PLEC: variants seen among roughly 807,000 people sequenced by gnomAD.
The protein encoded by PLEC is hemidesmosomal protein 1.
PLEC carries 216 observed loss-of-function variants against 392.8 expected under a neutral mutation model. The observed-to-expected ratio is 0.55, with a 90% CI of 0.49 to 0.62. The LOEUF is 0.62. PLEC is among the 20% of genes least tolerant of loss of function. PLEC has a pLI of 0.00. For missense variants in PLEC, 6,863 were observed against 6,563.4 expected (o/e 1.05, Z -1.58); for synonymous variants, 3,621 against 2,980.6 (o/e 1.21, Z -7.00).
chr8:143,924,858 C>G lies in PLEC; in HGVS notation c.5071G>C (p.Glu1691Gln), dbSNP rs1824367451. Reference protein sequence around the residue: ...EQAVRQRELAEQELEKQRQLA... With the variant: ...EQAVRQRELAQQELEKQRQLA... ...TGCCGCTGCTTCTCCAGCTCTTGTTCAGCCAGCTCCCGCTGCCGGACGGCC... is the reference window on the plus strand; with the variant it reads ...TGCCGCTGCTTCTCCAGCTCTTGTTGAGCCAGCTCCCGCTGCCGGACGGCC... Residue 1691 changes from glutamate (E) to glutamine (Q), a missense_variant, in exon 31 of 32, where the codon GAA becomes CAA. Transcript: ENST00000345136. The G allele has an allele frequency of 1.9e-6, 3 of 1,587,274 alleles. No homozygotes were observed. Among genetic ancestry groups the G allele is most frequent in the South Asian group, 2.2e-5 (2 of 89,488 alleles).
At chr8:143,952,137 C>T (rs1554737095), upstream of PLEC, among the ~76,000 whole-genome samples, 2 of 151,896 alleles carry the variant, frequency 1.3e-5, no homozygotes, top group South Asian at 2.1e-4. Flanking sequence ...CTTGTGGGGG[C>T]GGGTTTATGG....
In PLEC at chr8:143,918,430, C is replaced by T. The variant is rs1410812854; in HGVS notation, c.11391G>A (p.Leu3797=). The T allele has an allele frequency of 6.3e-7, 1 of 1,578,462 alleles. No individual in the cohort carries two copies. Among genetic ancestry groups the T allele is most frequent in the Non-Finnish European group, 8.6e-7 (1 of 1,165,144 alleles). The part of the protein sequence containing the change: ...KKELIPTEEA[L]RLLDAQLATG... ...TGGCCAGCTGGGCATCCAGCAGCCG[C>T]AGGGCCTCCTCAGTAGGGATCAGCT... The change falls in exon 32 of 32, where the codon CTG becomes CTA. Residue 3797 remains leucine, a synonymous_variant. Transcript: ENST00000345136.
rs201916690 is a variant in PLEC at position 143,921,506 on chromosome 8, C to T, written c.8315G>A (p.Arg2772His). ...ELHHKLLSAE[R>H]AVTGYKDPYT... ...GGGGTCCTTGTAGCCAGTGACGGCG[C>T]GCTCGGCCGACAGCAGCTTGTGGTG... Residue 2772 changes from arginine (R) to histidine (H), a missense_variant, in exon 32 of 32, where the codon CGC (arginine) becomes CAC (histidine). Coordinates refer to ENST00000345136, the MANE Select transcript of PLEC (RefSeq NM_201384.3). 6.7e-5 allele frequency: 108 copies of T among 1,612,854 alleles called. No homozygotes were observed. The African/African-American group carries it at 8.9e-4, about 13-fold the overall frequency.
upstream of PLEC, among the ~76,000 whole-genome samples, chr8:143,952,199 C>A (rs1564213436): frequency 8.0e-6 from 1 of 125,578 alleles, no homozygotes; most frequent in Non-Finnish European, 1.7e-5. Context: ...CACACACACA[C>A]ACACACACAC....
rs1822014095 is a variant in PLEC, at chr8:143,920,050, G to A, written c.9771C>T (p.Ile3257=). Residue 3257 remains isoleucine, a synonymous_variant, in exon 32 of 32, where the codon ATC becomes ATT. Coordinates refer to ENST00000345136, the MANE Select transcript of PLEC (RefSeq NM_201384.3). The part of the protein sequence containing the change: ...KGRTVTVWEL[I]SSEYFTAEQR... ...GCTCCGCAGTGAAGTACTCAGAGCT[G>A]ATGAGCTCCCACACCGTCACCGTCC... The A allele has an allele frequency of 6.2e-7, 1 of 1,613,196 alleles. No homozygotes were observed. The highest frequency in any genetic ancestry group is 8.5e-7 in the Non-Finnish European group (1 of 1,180,026).
chr8:143,936,117 G>A (rs1587170118), intron 5 of PLEC, 103 bp from the exon 6 acceptor site: 1 of 1,322,120 alleles, frequency 7.6e-7, no homozygotes, highest in East Asian at 2.4e-5. Flanking sequence ...GCACCCAGGG[G>A]GAGTGCATGG....
chr8:143,959,682 G>C (rs1832775925), intron 1 of PLEC, among the ~76,000 whole-genome samples: 1 of 152,260 alleles, frequency 6.6e-6, no homozygotes, highest in African/African-American at 2.4e-5. Flanking sequence ...TACCTAGCCA[G>C]CAACTTAGAA....
At position 143,924,183 on chromosome 8, in the gene PLEC, T is replaced by C. The variant is rs782429508; in HGVS notation, c.5746A>G (p.Thr1916Ala). 6.3e-7 allele frequency: 1 copy of C among 1,598,856 alleles called. No individual in the cohort carries two copies. Among genetic ancestry groups the C allele is most frequent in the South Asian group, 1.1e-5 (1 of 91,072 alleles). ...LERQKGLVED[T>A]LRQRRQVEEE... ...TCCACCTGCCGCCGCTGCCTCAGCG[T>C]GTCCTCCACCAGCCCCTTCTGCCGC... Residue 1916 changes from threonine (T) to alanine (A), a missense_variant, in exon 31 of 32, where the codon ACG (threonine) becomes GCG (alanine). Thr to Ala is a moderately conservative substitution (Grantham distance 58). Transcript: ENST00000345136.
chr8:143,941,553 G>A (rs950261534), upstream of PLEC, among the ~76,000 whole-genome samples: 1 of 152,008 alleles, frequency 6.6e-6, no homozygotes, highest in African/African-American at 2.4e-5. Flanking sequence ...GGTGGGCTGG[G>A]GGCTCGGTCA....
chr8:143,921,387 T>C lies in PLEC; in HGVS notation c.8434A>G (p.Thr2812Ala), dbSNP rs782242650. Residue 2812 changes from threonine to alanine, a missense_variant, in exon 32 of 32, where the codon ACG (threonine) becomes GCG (alanine). Thr to Ala is a moderately conservative substitution (Grantham distance 58). Transcript: ENST00000345136. ...GIRLLEAQIA[T>A]GGVIDPVHSH... is the part of the protein sequence containing the mutation. ...TGCACGGGGTCGATAACGCCGCCCG[T>C]GGCGATCTGGGCCTCCAGCAGGCGG... 1.1e-4 allele frequency: 184 copies of C among 1,613,212 alleles called. No homozygotes were observed. The highest frequency in any genetic ancestry group is 1.5e-4 in the Non-Finnish European group (181 of 1,179,802).
rs35671527 is a variant in PLEC, at chr8:143,931,520, A to AC, written c.2304+13dup. ...AGCCCCTCCTGACACGCCCCTGCACACCCCCTCCCTCACCTGGGCATCCTG... is the reference window on the plus strand; with the variant it reads ...AGCCCCTCCTGACACGCCCCTGCACACCCCCCTCCCTCACCTGGGCATCCTG... On this transcript the variant is annotated intron_variant, in intron 19 of 31. Transcript: ENST00000345136. 0.37 allele frequency: 589,044 copies of AC among 1,575,218 alleles called. 113,118 individuals are homozygous for AC. Among genetic ancestry groups the AC allele is most frequent in the Non-Finnish European group, 0.4 (458,609 of 1,160,806 alleles).
chr8:143,943,939 G>C, upstream of PLEC: 1 of 1,589,028 alleles, frequency 6.3e-7, no homozygotes, highest in Non-Finnish European at 8.5e-7. Flanking sequence ...CTGGGAACCG[G>C]CTGCTCCAGG....
chr8:143,933,959 GCCTCCCTC>G, intron 12 of PLEC, 31 bp downstream of exon 12: 1 of 1,544,134 alleles, frequency 6.5e-7, no homozygotes, highest in South Asian at 1.1e-5. Context: ...GGCTCCTCCG[GCCTCCCTC>G]CCGCCCACTG....
chr8:143,923,120 G>A lies in PLEC; in HGVS notation c.6809C>T (p.Ala2270Val). 2 of 1,604,700 alleles carry A rather than the reference G, an allele frequency of 1.2e-6. No homozygotes were observed. Among genetic ancestry groups the A allele is most frequent in the Non-Finnish European group, 1.7e-6 (2 of 1,179,870 alleles). Residue 2270 changes from alanine (A) to valine (V), a missense_variant, in exon 31 of 32, where the codon GCT (alanine) becomes GTT (valine). By Grantham distance (64) the Ala-to-Val change is moderately conservative. Transcript: ENST00000345136. ...DNTQRFLQEE[A>V]EKMKQVAEEA... ...CTCCGCCACCTGCTTCATCTTCTCA[G>A]CCTCCTCCTGCAGGAAGCGCTGCGT...
Position 143,922,214 on chromosome 8 carries a change from CGCTGCT to C in PLEC, c.7601_7606del (p.Gln2534_Gln2535del). 1.9e-6 allele frequency: 3 copies of C among 1,561,924 alleles called. No homozygotes were observed. The highest frequency in any genetic ancestry group is 2.6e-6 in the Non-Finnish European group (3 of 1,156,994). ...TTCCTGCTCCATCTGCTGCTGCTGCCGCTGCTGCTCCTCACGCAGCTGCTGTGCCTT... is the reference window on the plus strand; with the variant it reads ...TTCCTGCTCCATCTGCTGCTGCTGCCGCTCCTCACGCAGCTGCTGTGCCTT... On this transcript the variant is annotated inframe_deletion, in exon 32 of 32. Coordinates refer to ENST00000345136, the MANE Select transcript of PLEC (RefSeq NM_201384.3).
Position 143,931,591 on chromosome 8 carries a change from G to C in PLEC, c.2247C>G (p.Tyr749Ter). 6.3e-7 allele frequency: 1 copy of C among 1,599,830 alleles called. No individual in the cohort carries two copies. Among genetic ancestry groups the C allele is most frequent in the Non-Finnish European group, 8.5e-7 (1 of 1,173,660 alleles). The change falls in exon 19 of 32, where the codon TAC becomes TAG. Residue 749 changes from tyrosine (Y) to a stop codon, truncating the protein, a stop_gained. Transcript: ENST00000345136. LOFTEE classifies it high-confidence loss of function. ...TGACGGTGGCGGAGCGATCACAACT[G>C]TATTTCCTACGCAGTGCCTCCTGCA... Reference protein sequence around the residue: ...QKLQEALRRKYSCDRSATVTR... With the variant: ...QKLQEALRRK
At chr8:143,945,720 A>G (rs1554731837) in intron 1 of PLEC, among the ~76,000 whole-genome samples, 1 of 152,134 alleles carries the variant, frequency 6.6e-6, no homozygotes, top group African/African-American at 2.4e-5. Context: ...CTCAGCCCAC[A>G]GCAAGGCACA....
In PLEC at chr8:143,973,308, G is replaced by C. The variant is rs529927903; in HGVS notation, c.70+95C>G. On this transcript the variant is annotated intron_variant, in intron 1 of 31. Coordinates refer to the PLEC transcript ENST00000356346. This position sits in a 1 kb window ranked among gnomAD's most constrained non-coding sequence, Gnocchi z 5.6. ...CGAGGCCGGCGGAGTGGCCGCGCTC[G>C]GGCCGGCGATCGGGACCGCCACCGT... 16 of 1,465,114 alleles carry C rather than the reference G, an allele frequency of 1.1e-5. No individual in the cohort carries two copies. The highest frequency in any genetic ancestry group is 1.3e-5 in the Non-Finnish European group (14 of 1,082,702). 90.8% of individuals were successfully genotyped at this position (1,465,114 alleles called of 1,614,324 possible). A position where few individuals can be genotyped will look rare whatever the true frequency, so the allele number is the denominator to read the frequency against.
Position 143,932,460 on chromosome 8 carries a change from C to G in PLEC, c.1917G>C (p.Glu639Asp). 1 of 1,612,220 alleles carries G rather than the reference C, an allele frequency of 6.2e-7. No individual in the cohort carries two copies. The highest frequency in any genetic ancestry group is 8.5e-7 in the Non-Finnish European group (1 of 1,179,702). ...LMWLNEKEEEEVGFDWSDRNT... is the reference protein window; with the variant it reads ...LMWLNEKEEEDVGFDWSDRNT... ...TGCGGTCGCTCCAGTCGAAGCCCAC[C>G]TCCTCCTCCTCCTTCTCATTCAGCC... The change falls in exon 16 of 32, where the codon GAG becomes GAC. Residue 639 changes from glutamate (E) to aspartate (D), a missense_variant. Transcript: ENST00000345136.
Sources: allele counts gnomAD v4.1 joint callset (sites outside exome capture counted in the v4.1 genomes callset), GRCh38; gene constraint gnomAD v4.1.1; non-coding constraint Gnocchi (gnomAD v3.1); transcripts MANE v1.5; gene names NCBI Gene and HGNC (gene_info 2026-07-23, HGNC 2026-07-21).